The following EHBP1L1 variants were observed in gnomAD, a reference collection of about 807,000 sequenced individuals.
The protein encoded by EHBP1L1 is EH domain binding protein 1 like 1, also known as EH domain-binding protein 1-like protein 1.
Under a neutral mutation model 151.1 loss-of-function variants are expected in EHBP1L1, and 122 were observed. The ratio of observed to expected loss-of-function variants is 0.81; its 90% CI spans 0.70 to 0.94. The LOEUF (loss-of-function observed/expected upper bound fraction) is 0.94. Ranked by LOEUF, EHBP1L1 falls within the 40% of genes least tolerant of loss-of-function variation. The pLI is 0.00. For missense variants in EHBP1L1, 1,941 were observed against 1,959.8 expected (o/e 0.99, Z 0.18); for synonymous variants, 878 against 810.1 (o/e 1.08, Z -1.42).
intron 12 of EHBP1L1, among the ~76,000 whole-genome samples, chr11:65,589,496 G>A (rs1002199262): frequency 3.3e-5 from 5 of 152,176 alleles, no homozygotes; most frequent in African/African-American, 9.7e-5. Context: ...TGGGAGGCTC[G>A]GAGCCTGGGT....
chr11:65,579,953 G>A lies in EHBP1L1; in HGVS notation c.276G>A (p.Gln92=). The A allele has an allele frequency of 6.2e-7, 1 of 1,613,858 alleles. No homozygotes were observed. Among genetic ancestry groups the A allele is most frequent in the Non-Finnish European group, 8.5e-7 (1 of 1,179,856 alleles). The change falls in exon 4 of 19, where the codon CAG becomes CAA. Residue 92 remains glutamine (Q), a synonymous_variant. Transcript: ENST00000309295. ...CTTCCCAGGACCCCCACGTGGACCA[G>A]TATGAGGCCAAAGAGTGGACATTTA... ...VTLYRDPHVD[Q]YEAKEWTFII... is the part of the protein sequence containing the mutation.
chr11:65,582,917 T>C lies in EHBP1L1; in HGVS notation c.2245T>C (p.Leu749=), dbSNP rs910101804. The C allele has an allele frequency of 3.1e-6, 5 of 1,613,070 alleles. No homozygotes were observed. The African/African-American group carries it at 4.0e-5, about 13-fold the overall frequency. ...AGCAGAGATAGCAGAGTCTGACATA[T>C]TGGTAGCCCAGGAGATAGAGGTGGG... ...IEAEIAESDI[L]VAQEIEVGLL... Residue 749 remains leucine, a synonymous_variant, in exon 9 of 19, where the codon TTG becomes CTG. Coordinates refer to ENST00000309295, the MANE Select transcript of EHBP1L1 (RefSeq NM_001099409.3).
intron 1 of EHBP1L1, among the ~76,000 whole-genome samples, 166 bp downstream of exon 1, chr11:65,576,572 C>G (rs1857338646): frequency 6.6e-6 from 1 of 152,224 alleles, no homozygotes. Flanking sequence ...AGTGCCCTTG[C>G]AATTTGTGGG....
rs1416934199 is a variant in EHBP1L1, at chr11:65,585,535, A to G, written c.3877A>G (p.Ser1293Gly). The change falls in exon 12 of 19, where the codon AGC becomes GGC. Residue 1293 changes from serine (S) to glycine (G), a missense_variant. By Grantham distance (56) the Ser-to-Gly change is moderately conservative. Coordinates refer to ENST00000309295, the MANE Select transcript of EHBP1L1 (RefSeq NM_001099409.3). The surrounding 1 kb of genome is among the most constrained non-coding windows in gnomAD (Gnocchi z 4.0). Reference sequence around the variant, plus strand: ...GAAGAGGCGCTCGCGGCTGCGGAACAGCAGCTCGTTCTCGATGGACGATCC... The same window carrying G: ...GAAGAGGCGCTCGCGGCTGCGGAACGGCAGCTCGTTCTCGATGGACGATCC... ...LKKRRSRLRNSSSFSMDDPDA... is the reference protein window; with the variant it reads ...LKKRRSRLRNGSSFSMDDPDA... 5 of 1,577,036 alleles carry G rather than the reference A, an allele frequency of 3.2e-6. No homozygotes were observed. The highest frequency in any genetic ancestry group is 4.3e-6 in the Non-Finnish European group (5 of 1,169,048).
In EHBP1L1 at chr11:65,589,761, C is replaced by A; in HGVS notation, c.3944C>A (p.Ala1315Asp). 6.5e-7 allele frequency: 1 copy of A among 1,547,968 alleles called. No homozygotes were observed. Among genetic ancestry groups the A allele is most frequent in the Non-Finnish European group, 8.7e-7 (1 of 1,146,026 alleles). The change falls in exon 13 of 19, where the codon GCC becomes GAC. Residue 1315 changes from alanine to aspartate, a missense_variant. Physicochemically the swap from Ala to Asp is moderately radical, Grantham distance 126. Transcript: ENST00000309295. ...AMGAAAAEGQ[A>D]PDPSPAPGPP... ...CCCCTTCTTCCACAGGAAGGCCAGGCCCCTGACCCCAGCCCTGCCCCAGGC... is the reference window on the plus strand; with the variant it reads ...CCCCTTCTTCCACAGGAAGGCCAGGACCCTGACCCCAGCCCTGCCCCAGGC...
At chr11:65,590,285 C>A in intron 15 of EHBP1L1, 75 bp downstream of exon 15, 1 of 1,582,650 alleles carries the variant, frequency 6.3e-7, no homozygotes, top group East Asian at 2.3e-5. Flanking sequence ...TGTTCCTGAC[C>A]TTGGGAGGAG....
In EHBP1L1 at chr11:65,580,214, T is replaced by A; in HGVS notation, c.446T>A (p.Leu149Gln). 1 of 1,613,640 alleles carries A rather than the reference T, an allele frequency of 6.2e-7. No homozygotes were observed. The change falls in exon 5 of 19, where the codon CTG becomes CAG. Residue 149 changes from leucine to glutamine, a missense_variant. Transcript: ENST00000309295. Reference sequence around the variant, plus strand: ...TCAGTGAAGGTGGTGCAGGCTGAGCTGAGCCTCACTCTTTCCGGGGTGCTG... The same window carrying A: ...TCAGTGAAGGTGGTGCAGGCTGAGCAGAGCCTCACTCTTTCCGGGGTGCTG... Reference protein sequence around the residue: ...PKSVKVVQAELSLTLSGVLLR... With the variant: ...PKSVKVVQAEQSLTLSGVLLR...
rs1433224548 is a variant in EHBP1L1 at position 65,590,215 on chromosome 11, G to A, written c.4183+5G>A. On this transcript the variant is annotated splice_donor_5th_base_variant and intron_variant, in intron 15 of 18. Coordinates refer to ENST00000309295, the MANE Select transcript of EHBP1L1 (RefSeq NM_001099409.3). ...TGAGGAGCCTCATGGAGTCAGGTGG[G>A]GCATACATCTAGGGATCCCTTCCCC... 2 of 1,612,852 alleles carry A rather than the reference G, an allele frequency of 1.2e-6. No individual in the cohort carries two copies. Among genetic ancestry groups the A allele is most frequent in the Non-Finnish European group, 1.7e-6 (2 of 1,179,612 alleles).
intron 9 of EHBP1L1, 51 bp from the exon 10 acceptor site, chr11:65,584,190 A>G (rs1857803264): frequency 1.3e-6 from 2 of 1,576,058 alleles, no homozygotes; most frequent in East Asian, 2.3e-5. Flanking sequence ...CAAGAGGCAG[A>G]GGGCATACAT....
chr11:65,581,601 C>T lies in EHBP1L1; in HGVS notation c.929C>T (p.Ser310Phe). ...CCAGCCCCTCGGCTCCGGAAAGGCT[C>T]TGATGCCCTCCGGCCCCCAGTCCCC... Reference protein sequence around the residue: ...PTPAPRLRKGSDALRPPVPQG... With the variant: ...PTPAPRLRKGFDALRPPVPQG... Residue 310 changes from serine (S) to phenylalanine (F), a missense_variant, in exon 9 of 19, where the codon TCT (serine) becomes TTT (phenylalanine). Ser to Phe is a radical substitution (Grantham distance 155). Transcript: ENST00000309295. 6.5e-7 allele frequency: 1 copy of T among 1,526,972 alleles called. No homozygotes were observed. The highest frequency in any genetic ancestry group is 2.4e-5 in the East Asian group (1 of 41,904). 94.6% of individuals were successfully genotyped at this position (1,526,972 alleles called of 1,614,324 possible). A position where few individuals can be genotyped will look rare whatever the true frequency, so the allele number is the denominator to read the frequency against.
Position 65,579,342 on chromosome 11 carries a change from C to A in EHBP1L1, c.164C>A (p.Ala55Asp). 1 of 1,551,894 alleles carries A rather than the reference C, an allele frequency of 6.4e-7. No individual in the cohort carries two copies. Among genetic ancestry groups the A allele is most frequent in the Non-Finnish European group, 8.7e-7 (1 of 1,147,104 alleles). Residue 55 changes from alanine (A) to aspartate (D), a missense_variant and splice_region_variant, in exon 3 of 19, where the codon GCC becomes GAC. Ala to Asp is a moderately radical substitution (Grantham distance 126, BLOSUM62 -2). Transcript: ENST00000309295. Reference protein sequence around the residue: ...TRRNRRICSKAHSWQPGIQNP... With the variant: ...TRRNRRICSKDHSWQPGIQNP... ...GAGGACTCAGATTGTCCCTTGTAGG[C>A]CCACAGCTGGCAGCCGGGCATCCAG...
chr11:65,589,688 C>T, intron 12 of EHBP1L1, 63 bp from the exon 13 acceptor site: 1 of 1,470,270 alleles, frequency 6.8e-7, no homozygotes, highest in Non-Finnish European at 9.0e-7. Context: ...GTGGCTCTGG[C>T]TGGCCCCAGG....
chr11:65,580,561 C>T, intron 6 of EHBP1L1, 82 bp downstream of exon 6: 4 of 1,541,938 alleles, frequency 2.6e-6, no homozygotes, highest in Non-Finnish European at 3.5e-6. Context: ...ACTTGCTGTG[C>T]CCGCCCTGTG....
At position 65,589,951 on chromosome 11, in the gene EHBP1L1, C is replaced by T. The variant is rs766578309; in HGVS notation, c.4019C>T (p.Ser1340Leu). 3.8e-5 allele frequency: 59 copies of T among 1,572,744 alleles called. 2 individuals are homozygous for T. The South Asian group carries it at 4.5e-4, about 12-fold the overall frequency. The change falls in exon 14 of 19, where the codon TCG (serine) becomes TTG (leucine). Residue 1340 changes from serine to leucine, a missense_variant. Transcript: ENST00000309295. ...SQQPPGGSSP[S>L]EEPPPSPGEE... ...CTGTCTGCAGGTGGGAGTTCCCCCT[C>T]GGAGGAACCACCCCCAAGCCCAGGG...
intron 1 of EHBP1L1, among the ~76,000 whole-genome samples, chr11:65,578,610 C>A (rs188298012): frequency 6.5e-4 from 99 of 152,348 alleles, no homozygotes; most frequent in Non-Finnish European, 1.6e-4. Flanking sequence ...CTCCTCTGTC[C>A]CCAAAACTGG....
chr11:65,585,617 C>A lies in EHBP1L1; in HGVS notation c.3933+26C>A, dbSNP rs769082250. ...GTGAGTGTCAAGGTCCTTCTTTCTT[C>A]CCCCGCCGCAGCGCGGGGTCCCGGG... On this transcript the variant is annotated intron_variant, in intron 12 of 18. Coordinates refer to ENST00000309295, the MANE Select transcript of EHBP1L1 (RefSeq NM_001099409.3). This position sits in a 1 kb window ranked among gnomAD's most constrained non-coding sequence, Gnocchi z 4.0. 2.6e-6 allele frequency: 4 copies of A among 1,548,034 alleles called. No homozygotes were observed. In the Admixed American group the frequency reaches 5.7e-5, roughly 22 times the overall value.
At chr11:65,579,535 G>A in intron 3 of EHBP1L1, 99 bp downstream of exon 3, 1 of 1,031,350 alleles carries the variant, frequency 9.7e-7, no homozygotes, top group Middle Eastern at 2.4e-4. Context: ...CCAGATAGAA[G>A]AGGATGCGGG....
At position 65,582,929 on chromosome 11, in the gene EHBP1L1, G is replaced by A. The variant is rs748622333; in HGVS notation, c.2257G>A (p.Glu753Lys). The A allele has an allele frequency of 5.0e-6, 8 of 1,613,290 alleles. No homozygotes were observed. The highest frequency in any genetic ancestry group is 6.8e-6 in the Non-Finnish European group (8 of 1,179,664). Residue 753 changes from glutamate to lysine, a missense_variant, in exon 9 of 19, where the codon GAG (glutamate) becomes AAG (lysine). Glu to Lys is a moderately conservative substitution (Grantham distance 56). Transcript: ENST00000309295. ...IAESDILVAQ[E>K]IEVGLLGVLG... Reference sequence around the variant, plus strand: ...AGAGTCTGACATATTGGTAGCCCAGGAGATAGAGGTGGGACTTTTGGGGGT... The same window carrying A: ...AGAGTCTGACATATTGGTAGCCCAGAAGATAGAGGTGGGACTTTTGGGGGT...
At chr11:65,579,759 A>G (rs1323394848) in intron 3 of EHBP1L1, among the ~76,000 whole-genome samples, 177 bp from the exon 4 acceptor site, 3 of 150,152 alleles carry the variant, frequency 2.0e-5, no homozygotes, top group African/African-American at 7.4e-5. Context: ...CCTGGGAGGC[A>G]GAGGTTGCAG....
Sources: gnomAD v4.1 joint callset for allele counts (sites outside exome capture counted in the v4.1 genomes callset) on GRCh38, gnomAD v4.1.1 for gene constraint, Gnocchi (gnomAD v3.1) non-coding constraint, MANE v1.5 for transcripts, NCBI Gene and HGNC (gene_info 2026-07-23, HGNC 2026-07-21) for gene names.